MYO1C: variants seen among roughly 807,000 people sequenced by gnomAD.
MYO1C encodes the protein myosin IC.
Under a neutral mutation model 150.8 loss-of-function variants are expected in MYO1C, and 104 were observed. The observed-to-expected ratio is 0.69, with a 90% CI of 0.59 to 0.81. MYO1C has a LOEUF of 0.81. MYO1C is among the 30% of genes least tolerant of loss of function. The pLI is 0.00. For synonymous variants in MYO1C, 663 were observed against 579.9 expected (o/e 1.14, Z -2.06); for missense variants, 1,504 against 1,435.0 (o/e 1.05, Z -0.78).
rs1296331176 is a variant in MYO1C, at chr17:1,470,692, G to GC, written c.2213-4dup. ...CCAGGCAGCTTGGATCTTTGTGGCT[G>GC]CGGTTGGGAAAGAAAGGCAATTGGC... is the stretch of plus-strand genomic sequence containing the variant. On this transcript the variant is annotated splice_polypyrimidine_tract_variant and splice_region_variant and intron_variant, in intron 21 of 31. Coordinates refer to ENST00000648651, the MANE Select transcript of MYO1C (RefSeq NM_001080779.2). 1 of 1,602,918 alleles carries GC rather than the reference G, an allele frequency of 6.2e-7. No individual in the cohort carries two copies. Among genetic ancestry groups the GC allele is most frequent in the African/African-American group, 1.3e-5 (1 of 74,888 alleles).
Position 1,468,422 on chromosome 17 carries a change from G to C in MYO1C, c.2685C>G (p.Leu895=). Residue 895 remains leucine (L), a synonymous_variant, in exon 26 of 32, where the codon CTC becomes CTG. Coordinates refer to ENST00000648651, the MANE Select transcript of MYO1C (RefSeq NM_001080779.2). The stretch of plus-strand genomic sequence containing the variant: ...GCTCACCAAGCCGAGTGCTGATGAA[G>C]AGCCTGGGTACACTCTGAGGGTAAT... ...KDNYPQSVPR[L]FISTRLGTDE... The C allele has an allele frequency of 6.2e-7, 1 of 1,614,100 alleles. No individual in the cohort carries two copies. The highest frequency in any genetic ancestry group is 1.3e-5 in the African/African-American group (1 of 75,024).
intron 30 of MYO1C, 50 bp downstream of exon 30, chr17:1,467,430 C>A (rs750362871): frequency 6.2e-7 from 1 of 1,602,454 alleles, no homozygotes; most frequent in Non-Finnish European, 8.5e-7. Context: ...GGTGCCCACA[C>A]AGCCCCCTCG....
At chr17:1,490,558 C>T (rs1236021694) in intron 1 of MYO1C, among the ~76,000 whole-genome samples, 1 of 152,138 alleles carries the variant, frequency 6.6e-6, no homozygotes, top group Non-Finnish European at 1.5e-5. Flanking sequence ...CTGCTCCTTA[C>T]CTGGGCCAAG....
chr17:1,490,509 AAAC>A lies in MYO1C; in HGVS notation c.75+1901_75+1903del, dbSNP rs2074717519. Among the ~76,000 whole-genome samples, 4 of 151,994 alleles carry A rather than the reference AAAC, an allele frequency of 2.6e-5. No individual in the cohort carries two copies. In the South Asian group the frequency reaches 6.2e-4, roughly 24 times the overall value. On this transcript the variant is annotated intron_variant, in intron 1 of 31. Transcript: ENST00000648651. The stretch of plus-strand genomic sequence containing the variant: ...CGAGACTCCATCTCAAAACAAAACA[AAAC>A]AACAACAAAAACAAACAAAAACCTC...
Position 1,480,783 on chromosome 17 carries a change from G to A in MYO1C, c.730C>T (p.Leu244=). The A allele has an allele frequency of 1.2e-6, 2 of 1,614,176 alleles. No homozygotes were observed. Among genetic ancestry groups the A allele is most frequent in the Non-Finnish European group, 1.7e-6 (2 of 1,180,026 alleles). The change falls in exon 6 of 32, where the codon CTG becomes TTG. Residue 244 remains leucine (L), a synonymous_variant. Coordinates refer to ENST00000648651, the MANE Select transcript of MYO1C (RefSeq NM_001080779.2). Reference sequence around the variant, plus strand: ...AGAGTCTCCTCCTCGCCCCCCTCCAGCAGCTGGTAGAAGATGTGGAAGTTC... The same window carrying A: ...AGAGTCTCCTCCTCGCCCCCCTCCAACAGCTGGTAGAAGATGTGGAAGTTC... ...ERNFHIFYQL[L]EGGEEETLRR...
intron 25 of MYO1C, 148 bp downstream of exon 25, chr17:1,469,383 G>A (rs1385118302): frequency 4.0e-6 from 3 of 759,394 alleles, no homozygotes; most frequent in South Asian, 1.5e-5. Context: ...GTAGACCAGG[G>A]TAAATACGGT....
chr17:1,468,194 T>C, intron 27 of MYO1C, 59 bp downstream of exon 27: 3 of 1,611,236 alleles, frequency 1.9e-6, no homozygotes, highest in Non-Finnish European at 2.5e-6. Context: ...CTGACCTGCC[T>C]TCAGCTCTCA....
In MYO1C at chr17:1,479,555, C is replaced by T. The variant is rs759195027; in HGVS notation, c.1020+37G>A. The T allele has an allele frequency of 1.1e-5, 16 of 1,428,266 alleles. No homozygotes were observed. The highest frequency in any genetic ancestry group is 2.4e-5 in the East Asian group (1 of 42,306). The allele number at this position is 1,428,266 out of a possible 1,614,324, so 88.5% of individuals were successfully genotyped here. A position where few individuals can be genotyped will look rare whatever the true frequency, so the allele number is the denominator to read the frequency against. On this transcript the variant is annotated intron_variant, in intron 8 of 31. Coordinates refer to ENST00000648651, the MANE Select transcript of MYO1C (RefSeq NM_001080779.2). This position sits in a 1 kb window ranked among gnomAD's most constrained non-coding sequence, Gnocchi z 4.2. ...AGGGTGCACCCCCAGCCCCCGCCCC[C>T]GCCGTCCTCCCGTCGCCCTCTGCCC... is the stretch of plus-strand genomic sequence containing the variant.
intron 21 of MYO1C, 97 bp from the exon 22 acceptor site, chr17:1,470,786 G>T: frequency 7.6e-7 from 1 of 1,313,994 alleles, no homozygotes; most frequent in South Asian, 1.2e-5. Flanking sequence ...ATGGGAGAGT[G>T]GCTGAAGGAA....
Position 1,479,517 on chromosome 17 carries a change from C to T in MYO1C, c.1021-15G>A, listed in dbSNP as rs779253108. On this transcript the variant is annotated splice_polypyrimidine_tract_variant and intron_variant, in intron 8 of 31. Coordinates refer to ENST00000648651, the MANE Select transcript of MYO1C (RefSeq NM_001080779.2). This position sits in a 1 kb window ranked among gnomAD's most constrained non-coding sequence, Gnocchi z 4.2. ...ACGCTGAGGAGCTGCCAAGGGCAGG[C>T]GAGGACACGGTGAGGGTGCACCCCC... is the stretch of plus-strand genomic sequence containing the variant. 8 of 1,514,222 alleles carry T rather than the reference C, an allele frequency of 5.3e-6. No individual in the cohort carries two copies. The highest frequency in any genetic ancestry group is 2.4e-5 in the East Asian group (1 of 41,890). 93.8% of individuals were successfully genotyped at this position (1,514,222 alleles called of 1,614,324 possible). A position where few individuals can be genotyped will look rare whatever the true frequency, so the allele number is the denominator to read the frequency against.
chr17:1,490,082 C>T (rs2074711476), intron 1 of MYO1C, among the ~76,000 whole-genome samples: 1 of 151,722 alleles, frequency 6.6e-6, no homozygotes, highest in Non-Finnish European at 1.5e-5. Flanking sequence ...AACCTGTACT[C>T]CCTGTTTAAT....
Position 1,474,962 on chromosome 17 carries a change from C to G in MYO1C, c.1645G>C (p.Gly549Arg). 6.3e-7 allele frequency: 1 copy of G among 1,578,580 alleles called. No individual in the cohort carries two copies. Among genetic ancestry groups the G allele is most frequent in the South Asian group, 1.1e-5 (1 of 87,540 alleles). The change falls in exon 15 of 32, where the codon GGG becomes CGG. Residue 549 changes from glycine to arginine, a missense_variant. Coordinates refer to ENST00000648651, the MANE Select transcript of MYO1C (RefSeq NM_001080779.2). ...CCGGTCACGCTGTAGGTCACCTCCCCCGCATAGTGCAGAAGGCGGAATTCC... is the reference window on the plus strand; with the variant it reads ...CCGGTCACGCTGTAGGTCACCTCCCGCGCATAGTGCAGAAGGCGGAATTCC... ...RGEFRLLHYA[G>R]EVTYSVTGFL...
rs1451833205 is a variant in MYO1C at position 1,478,082 on chromosome 17, C to T, written c.1401+5G>A. On this transcript the variant is annotated splice_donor_5th_base_variant and intron_variant, in intron 12 of 31. Transcript: ENST00000648651. This position sits in a 1 kb window ranked among gnomAD's most constrained non-coding sequence, Gnocchi z 6.3. ...CACGGAGAGTGCCCCCAGGCTAGCA[C>T]ACACCGCGATGCCCTCTGCCTCGTA... 3.7e-6 allele frequency: 6 copies of T among 1,613,962 alleles called. No homozygotes were observed. In the African/African-American group the frequency reaches 4.0e-5, roughly 11 times the overall value.
chr17:1,490,670 G>C (rs191433656), intron 1 of MYO1C, among the ~76,000 whole-genome samples: 163 of 152,200 alleles, frequency 1.1e-3, no homozygotes, highest in African/African-American at 3.8e-3. Context: ...TGAAGGTTTA[G>C]GACACCCTCC....
rs369559268 is a variant in MYO1C, at chr17:1,479,575, C to T, written c.1020+17G>A. On this transcript the variant is annotated intron_variant, in intron 8 of 31. Transcript: ENST00000648651. The surrounding 1 kb of genome is among the most constrained non-coding windows in gnomAD (Gnocchi z 4.2). ...GCCCCCGCCGTCCTCCCGTCGCCCT[C>T]TGCCCGCCCCACTCACCCTGGTCAG... 3 of 1,586,442 alleles carry T rather than the reference C, an allele frequency of 1.9e-6. No homozygotes were observed. In the South Asian group the frequency reaches 3.4e-5, roughly 18 times the overall value.
In MYO1C at chr17:1,479,575, C is replaced by A. The variant is rs369559268; in HGVS notation, c.1020+17G>T. The A allele has an allele frequency of 1.3e-6, 2 of 1,586,438 alleles. No individual in the cohort carries two copies. Among genetic ancestry groups the A allele is most frequent in the Non-Finnish European group, 1.7e-6 (2 of 1,159,474 alleles). On this transcript the variant is annotated intron_variant, in intron 8 of 31. Transcript: ENST00000648651. The surrounding 1 kb of genome is among the most constrained non-coding windows in gnomAD (Gnocchi z 4.2). ...GCCCCCGCCGTCCTCCCGTCGCCCT[C>A]TGCCCGCCCCACTCACCCTGGTCAG...
chr17:1,477,434 G>T, intron 14 of MYO1C, 71 bp downstream of exon 14: 1 of 1,395,090 alleles, frequency 7.2e-7, no homozygotes, highest in Non-Finnish European at 1.0e-6. Flanking sequence ...TGATGGCGGA[G>T]GGACTCCTGC....
intron 25 of MYO1C, chr17:1,469,169 T>C (rs998503741): frequency 3.6e-5 from 13 of 363,550 alleles, no homozygotes; most frequent in South Asian, 2.4e-4. Flanking sequence ...GTAAACAGAG[T>C]AGACCGGGGT....
chr17:1,481,776 C>T (rs373701496), intron 5 of MYO1C, among the ~76,000 whole-genome samples: 1 of 149,016 alleles, frequency 6.7e-6, no homozygotes, highest in East Asian at 2.0e-4. Context: ...GCTCAGATTA[C>T]AGGCATGAGC....
Sources: allele counts gnomAD v4.1 joint callset (sites outside exome capture counted in the v4.1 genomes callset), GRCh38; gene constraint gnomAD v4.1.1; non-coding constraint Gnocchi (gnomAD v3.1); transcripts MANE v1.5; gene names NCBI Gene and HGNC (gene_info 2026-07-23, HGNC 2026-07-21).